The following ZC3HAV1 variants were observed in gnomAD, a reference collection of about 807,000 sequenced individuals.
The protein encoded by ZC3HAV1 is zinc finger CCCH-type containing, antiviral 1, also known as zinc finger CCCH-type antiviral protein 1.
In ZC3HAV1, 41 loss-of-function variants were observed where a neutral mutation model predicts 86.6. That is an observed-to-expected ratio of 0.47 (90% CI 0.37 to 0.61). The LOEUF is 0.61. Ranked by LOEUF, ZC3HAV1 falls within the 20% of genes least tolerant of loss-of-function variation. ZC3HAV1 has a pLI of 0.00. For missense variants in ZC3HAV1, 964 were observed against 1,141.1 expected (o/e 0.84, Z 2.24); for synonymous variants, 421 against 432.1 (o/e 0.97, Z 0.32).
Position 139,076,340 on chromosome 7 carries a change from T to C in ZC3HAV1, c.1643A>G (p.Asp548Gly). The C allele has an allele frequency of 6.2e-7, 1 of 1,614,106 alleles. No homozygotes were observed. The highest frequency in any genetic ancestry group is 8.5e-7 in the Non-Finnish European group (1 of 1,180,024). Residue 548 changes from aspartate to glycine, a missense_variant, in exon 6 of 13, where the codon GAC becomes GGC. Asp to Gly is a moderately conservative substitution (Grantham distance 94). Coordinates refer to ENST00000242351, the MANE Select transcript of ZC3HAV1 (RefSeq NM_020119.4). ...WQMLIGKTWTDFEHMETIEKG... is the reference protein window; with the variant it reads ...WQMLIGKTWTGFEHMETIEKG... The stretch of plus-strand genomic sequence containing the variant: ...CTCGATCGTCTCCATGTGCTCAAAG[T>C]CCGTCCAGGTTTTACCAATAAGCAT...
At chr7:139,103,219 T>C (rs1817829029) in intron 1 of ZC3HAV1, among the ~76,000 whole-genome samples, 1 of 149,936 alleles carries the variant, frequency 6.7e-6, no homozygotes, top group South Asian at 2.1e-4. Flanking sequence ...ATTTTTTATA[T>C]AATTATTTTT....
chr7:139,085,577 A>G (rs1216128145), intron 2 of ZC3HAV1, among the ~76,000 whole-genome samples: 1 of 152,246 alleles, frequency 6.6e-6, no homozygotes, highest in African/African-American at 2.4e-5. Context: ...AAAGCAATCA[A>G]TGAAGTGACT....
chr7:139,109,110 A>G lies in ZC3HAV1; in HGVS notation c.222T>C (p.Arg74=). ...CGCAGGGTCTCTGGCAGTACTTGCG[A>G]CGGCAGACCCGGGCTCGAGTGGTGG... is the stretch of plus-strand genomic sequence containing the variant. ...VVATTRARVC[R]RKYCQRPCDN... is the part of the protein sequence containing the mutation. Residue 74 remains arginine, a synonymous_variant, in exon 1 of 13, where the codon CGT becomes CGC. Coordinates refer to ENST00000242351, the MANE Select transcript of ZC3HAV1 (RefSeq NM_020119.4). 1 of 1,593,236 alleles carries G rather than the reference A, an allele frequency of 6.3e-7. No individual in the cohort carries two copies. Among genetic ancestry groups the G allele is most frequent in the Non-Finnish European group, 8.5e-7 (1 of 1,169,626 alleles).
intron 5 of ZC3HAV1, among the ~76,000 whole-genome samples, chr7:139,076,704 C>G (rs922488646): frequency 6.6e-6 from 1 of 152,040 alleles, no homozygotes; most frequent in South Asian, 2.1e-4. Context: ...CCAGCCTAGC[C>G]AACATGGTGA....
Position 139,079,625 on chromosome 7 carries a change from A to C in ZC3HAV1, c.1316T>G (p.Ile439Arg). 6.2e-7 allele frequency: 1 copy of C among 1,614,120 alleles called. No individual in the cohort carries two copies. Among genetic ancestry groups the C allele is most frequent in the Middle Eastern group, 1.6e-4 (1 of 6,062 alleles). The change falls in exon 4 of 13, where the codon ATA (isoleucine) becomes AGA (arginine). Residue 439 changes from isoleucine (I) to arginine (R), a missense_variant. Coordinates refer to ENST00000242351, the MANE Select transcript of ZC3HAV1 (RefSeq NM_020119.4). ...GTAATTTAAGGATCTGGTAGAAGTT[A>C]TATCTGTGGCCACTCCATCAGCATT... ...NNNADGVATDITSTRSLNYKS... is the reference protein window; with the variant it reads ...NNNADGVATDRTSTRSLNYKS...
chr7:139,048,987 A>G (rs1481892970), intron 12 of ZC3HAV1, among the ~76,000 whole-genome samples: 1 of 96,106 alleles, frequency 1.0e-5, no homozygotes, highest in Non-Finnish European at 2.4e-5. Context: ...ATTCACATAC[A>G]TATATGTGCA....
chr7:139,097,068 G>A (rs1018940701), intron 1 of ZC3HAV1, among the ~76,000 whole-genome samples: 2 of 151,958 alleles, frequency 1.3e-5, no homozygotes, highest in African/African-American at 2.4e-5. Context: ...AACCCAGGAG[G>A]CAGAGGTTGC....
rs750641875 is a variant in ZC3HAV1, at chr7:139,083,882, G to A, written c.595C>T (p.Leu199=). Residue 199 remains leucine, a synonymous_variant, in exon 3 of 13, where the codon CTG becomes TTG. Coordinates refer to ENST00000242351, the MANE Select transcript of ZC3HAV1 (RefSeq NM_020119.4). ...RSHNLMDRKV[L]AIMREHGLNP... ...AGCCCGTGCTCCCTCATGATGGCCA[G>A]CACCTTTCTGTCCATCAGGTTATGG... 4 of 1,614,044 alleles carry A rather than the reference G, an allele frequency of 2.5e-6. No individual in the cohort carries two copies. In the Admixed American group the frequency reaches 5.0e-5, roughly 20 times the overall value.
chr7:139,089,797 C>A (rs772645562), intron 1 of ZC3HAV1, 38 bp from the exon 2 acceptor site: 1 of 1,560,998 alleles, frequency 6.4e-7, no homozygotes, highest in Admixed American at 2.0e-5. Context: ...ATTTCTACTA[C>A]ACAGATGCAA....
intron 6 of ZC3HAV1, among the ~76,000 whole-genome samples, chr7:139,074,709 G>T (rs1404781506): frequency 6.6e-6 from 1 of 151,290 alleles, no homozygotes; most frequent in African/African-American, 2.4e-5. Flanking sequence ...ATATACCTGG[G>T]TATGTATATT....
At chr7:139,068,098 C>T (rs1383924299) in intron 7 of ZC3HAV1, among the ~76,000 whole-genome samples, 9 of 150,612 alleles carry the variant, frequency 6.0e-5, no homozygotes, top group African/African-American at 2.2e-4. Flanking sequence ...CTCTCTCTGT[C>T]ACCCAGGCTG....
At chr7:139,081,772 T>A (rs1031844053) in intron 3 of ZC3HAV1, among the ~76,000 whole-genome samples, 4 of 152,184 alleles carry the variant, frequency 2.6e-5, no homozygotes, top group Non-Finnish European at 5.9e-5. Context: ...GGAACAATGA[T>A]GAAATATTTA....
At position 139,108,621 on chromosome 7, in the gene ZC3HAV1, G is replaced by A. The variant is rs570385000; in HGVS notation, c.308+403C>T. On this transcript the variant is annotated intron_variant, in intron 1 of 12. Transcript: ENST00000242351. This position sits in a 1 kb window ranked among gnomAD's most constrained non-coding sequence, Gnocchi z 4.2. ...CACGTCTAGGGAAGGAGGTAGTAGG[G>A]AGGGAAAGACTCAAGATACCAAAGA... is the stretch of plus-strand genomic sequence containing the variant. 6.6e-6 allele frequency among the ~76,000 whole-genome samples: 1 copy of A among 152,340 alleles called. No individual in the cohort carries two copies. The highest frequency in any genetic ancestry group is 6.5e-5 in the Admixed American group (1 of 15,306).
intron 12 of ZC3HAV1, among the ~76,000 whole-genome samples, chr7:139,050,972 G>T (rs549150087): frequency 2.0e-5 from 3 of 152,126 alleles, no homozygotes; most frequent in Non-Finnish European, 4.4e-5. Flanking sequence ...CCGCCATGTG[G>T]TGACTCTACA....
At chr7:139,056,410 CTTTTCT>C (rs1816285124) in intron 9 of ZC3HAV1, among the ~76,000 whole-genome samples, 1 of 132,122 alleles carries the variant, frequency 7.6e-6, no homozygotes, top group Non-Finnish European at 1.6e-5. Context: ...TTTTTCTTTT[CTTTTCT>C]TTTTTTTTTT....
At chr7:139,075,235 C>T (rs1362096748) in intron 6 of ZC3HAV1, among the ~76,000 whole-genome samples, 1 of 152,122 alleles carries the variant, frequency 6.6e-6, no homozygotes, top group East Asian at 1.9e-4. Context: ...GCTCATGTCG[C>T]CCTCTAGTGG....
intron 12 of ZC3HAV1, among the ~76,000 whole-genome samples, chr7:139,048,710 T>G (rs546381299): frequency 6.6e-6 from 1 of 152,354 alleles, no homozygotes; most frequent in South Asian, 2.1e-4. Context: ...TAAAATGAAT[T>G]GTTTTACTTG....
At position 139,108,880 on chromosome 7, in the gene ZC3HAV1, G is replaced by C; in HGVS notation, c.308+144C>G. On this transcript the variant is annotated intron_variant, in intron 1 of 12. Transcript: ENST00000242351. The surrounding 1 kb of genome is among the most constrained non-coding windows in gnomAD (Gnocchi z 4.2). ...CGGGCCCTGCAGAGGCTCCCAGAGGGGAGCAGAGAAGGGAGTGGCTGGAGG... is the reference window on the plus strand; with the variant it reads ...CGGGCCCTGCAGAGGCTCCCAGAGGCGAGCAGAGAAGGGAGTGGCTGGAGG... The C allele has an allele frequency of 1.8e-6, 2 of 1,094,114 alleles. No individual in the cohort carries two copies. The highest frequency in any genetic ancestry group is 2.6e-6 in the Non-Finnish European group (2 of 777,866). The allele number at this position is 1,094,114 out of a possible 1,614,324, so 67.8% of individuals were successfully genotyped here.
At chr7:139,073,740 C>G in intron 7 of ZC3HAV1, 116 bp downstream of exon 7, 3 of 1,047,670 alleles carry the variant, frequency 2.9e-6, no homozygotes, top group Non-Finnish European at 2.6e-6. Flanking sequence ...ATCCACCTGC[C>G]TCAGCCTCCC....
Sources: gnomAD v4.1 joint callset for allele counts (sites outside exome capture counted in the v4.1 genomes callset) on GRCh38, gnomAD v4.1.1 for gene constraint, Gnocchi (gnomAD v3.1) non-coding constraint, MANE v1.5 for transcripts, NCBI Gene and HGNC (gene_info 2026-07-23, HGNC 2026-07-21) for gene names.